Variants in MAST4 observed in about 807,000 individuals in gnomAD.
MAST4 encodes microtubule-associated serine/threonine-protein kinase 4.
MAST4 carries 89 observed loss-of-function variants against 162.7 expected under a neutral mutation model. That is an observed-to-expected ratio of 0.55 (90% CI 0.46 to 0.65). The LOEUF is 0.65. Ranked by LOEUF, MAST4 falls within the 30% of genes least tolerant of loss-of-function variation. The pLI, the probability that MAST4 is intolerant of heterozygous loss-of-function variation, is 0.00. For synonymous variants in MAST4, 1,479 were observed against 1,361.1 expected (o/e 1.09, Z -1.91); for missense variants, 3,153 against 3,374.0 (o/e 0.93, Z 1.62).
chr5:66,785,216 G>A (rs1408905039), intron 2 of MAST4, among the ~76,000 whole-genome samples: 1 of 152,198 alleles, frequency 6.6e-6, no homozygotes, highest in Non-Finnish European at 1.5e-5. Context: ...GAGTGACAGA[G>A]TGAGACCCTG....
In MAST4 at chr5:66,887,415, C is replaced by T. The variant is rs111940594; in HGVS notation, c.643-12536C>T. On this transcript the variant is annotated intron_variant, in intron 3 of 28. Coordinates refer to ENST00000403625, the MANE Select transcript of MAST4 (RefSeq NM_001164664.2). ...ATTTGCAAAGTTTATTTAGTACTAG[C>T]ATTAGCTAGGAATGTACTTAGCTGC... is the stretch of plus-strand genomic sequence containing the variant. Among the ~76,000 whole-genome samples, 1,172 of 152,288 alleles carry T rather than the reference C, an allele frequency of 7.7e-3. 22 individuals carry two copies. The highest frequency in any genetic ancestry group is 0.027 in the African/African-American group (1,109 of 41,550).
At chr5:66,748,633 G>T (rs1752941788) in intron 1 of MAST4, among the ~76,000 whole-genome samples, 1 of 151,328 alleles carries the variant, frequency 6.6e-6, no homozygotes, top group Admixed American at 6.6e-5. Context: ...AGGACTACAG[G>T]CGTGCGCAAC....
intron 3 of MAST4, among the ~76,000 whole-genome samples, chr5:66,828,462 A>G (rs965826302): frequency 1.3e-5 from 2 of 152,154 alleles, no homozygotes; most frequent in South Asian, 4.1e-4. Flanking sequence ...GTGACCTTAT[A>G]GTTGCTTCAG....
chr5:66,769,234 G>T lies in MAST4; in HGVS notation c.517+9372G>T, dbSNP rs574536892. Among the ~76,000 whole-genome samples the T allele has an allele frequency of 1.2e-4, 19 of 152,268 alleles. No homozygotes were observed. The South Asian group carries it at 3.5e-3, about 28-fold the overall frequency. On this transcript the variant is annotated intron_variant, in intron 2 of 28. Coordinates refer to ENST00000403625, the MANE Select transcript of MAST4 (RefSeq NM_001164664.2). ...CAAGGGTCATTCATAAGAGTGGTGA[G>T]GAGGGTGGACCTGAGCTGTACAGGA...
intron 24 of MAST4, among the ~76,000 whole-genome samples, chr5:67,150,574 C>T (rs1771677903): frequency 6.6e-6 from 1 of 152,086 alleles, no homozygotes; most frequent in Non-Finnish European, 1.5e-5. Context: ...TGCAGCTGCA[C>T]AGATGGGAAG....
Position 66,867,951 on chromosome 5 carries a change from G to A in MAST4, c.643-32000G>A, listed in dbSNP as rs141988156. The stretch of plus-strand genomic sequence containing the variant: ...GGCTGTCATTTAGAAAAAGAGAAAC[G>A]CATTCTTAGAACTTAGAATTTGGGA... On this transcript the variant is annotated intron_variant, in intron 3 of 28. Transcript: ENST00000403625. 3.5e-3 allele frequency among the ~76,000 whole-genome samples: 531 copies of A among 152,272 alleles called. 5 individuals are homozygous for A. The highest frequency in any genetic ancestry group is 5.5e-3 in the Admixed American group (84 of 15,296).
At chr5:66,901,983 AC>A (rs1356938270) in intron 4 of MAST4, among the ~76,000 whole-genome samples, 1 of 152,186 alleles carries the variant, frequency 6.6e-6, no homozygotes, top group Non-Finnish European at 1.5e-5. Flanking sequence ...GAAGAAAGGC[AC>A]AAATATATCT....
intron 4 of MAST4, among the ~76,000 whole-genome samples, chr5:66,977,612 A>G (rs1483371312): frequency 6.6e-6 from 1 of 152,116 alleles, no homozygotes; most frequent in African/African-American, 2.4e-5. Flanking sequence ...ATCCCTCATA[A>G]TAGCTTCTTG....
intron 4 of MAST4, among the ~76,000 whole-genome samples, chr5:66,914,990 A>T (rs1448788521): frequency 6.6e-6 from 1 of 152,008 alleles, no homozygotes; most frequent in Non-Finnish European, 1.5e-5. Context: ...AGGCCCGGCG[A>T]GGTGGCTTAT....
At chr5:66,999,459 C>G (rs911425381) in intron 4 of MAST4, among the ~76,000 whole-genome samples, 1 of 152,182 alleles carries the variant, frequency 6.6e-6, no homozygotes, top group African/African-American at 2.4e-5. Context: ...ACTGTCTTCT[C>G]TTATATTTTG....
chr5:66,877,565 G>A (rs1300162859), intron 3 of MAST4, among the ~76,000 whole-genome samples: 1 of 152,194 alleles, frequency 6.6e-6, no homozygotes, highest in Non-Finnish European at 1.5e-5. Context: ...ACCTAAAGTG[G>A]AGACGAGAGG....
At chr5:66,701,839 C>T (rs1749796452) in intron 1 of MAST4, among the ~76,000 whole-genome samples, 1 of 151,838 alleles carries the variant, frequency 6.6e-6, no homozygotes, top group Non-Finnish European at 1.5e-5. Flanking sequence ...TGAAAATTCC[C>T]TATGAGAATT....
intron 1 of MAST4, among the ~76,000 whole-genome samples, chr5:66,656,144 G>A (rs1044899251): frequency 4.6e-5 from 7 of 152,196 alleles, no homozygotes; most frequent in African/African-American, 1.2e-4. Context: ...TGGGCCAGAG[G>A]CACAAGGGGG....
intron 1 of MAST4, among the ~76,000 whole-genome samples, chr5:66,657,561 G>A (rs1193858585): frequency 6.6e-6 from 1 of 152,138 alleles, no homozygotes; most frequent in Non-Finnish European, 1.5e-5. Context: ...GGTAAAATCG[G>A]TATTTGTAGT....
chr5:66,906,747 A>G (rs1763379667), intron 4 of MAST4, among the ~76,000 whole-genome samples: 1 of 152,234 alleles, frequency 6.6e-6, no homozygotes, highest in South Asian at 2.1e-4. Flanking sequence ...AAAGTTGAGC[A>G]GGTATTGAGA....
intron 4 of MAST4, among the ~76,000 whole-genome samples, chr5:66,933,026 A>G (rs1050302221): frequency 6.6e-6 from 1 of 152,184 alleles, no homozygotes; most frequent in Non-Finnish European, 1.5e-5. Context: ...AATAAGAATC[A>G]TATTTTGAAA....
chr5:66,721,061 A>G (rs1289217398), intron 1 of MAST4, among the ~76,000 whole-genome samples: 1 of 152,104 alleles, frequency 6.6e-6, no homozygotes, highest in Non-Finnish European at 1.5e-5. Flanking sequence ...CACCTAGTCA[A>G]AAGAAACCTC....
intron 23 of MAST4, among the ~76,000 whole-genome samples, chr5:67,148,678 C>G (rs1020398689): frequency 2.6e-5 from 4 of 152,174 alleles, no homozygotes; most frequent in Non-Finnish European, 5.9e-5. Context: ...ATATGATACA[C>G]TGGATTAAAA....
chr5:66,930,725 A>G (rs1276181094), intron 4 of MAST4: 4 of 470,838 alleles, frequency 8.5e-6, no homozygotes, highest in East Asian at 1.4e-4. Context: ...ATACCATTCT[A>G]TCTGGGTTCA....
Sources: gnomAD v4.1 joint callset for allele counts (sites outside exome capture counted in the v4.1 genomes callset) on GRCh38, gnomAD v4.1.1 for gene constraint, MANE v1.5 for transcripts, NCBI Gene and HGNC (gene_info 2026-07-23, HGNC 2026-07-21) for gene names.